Variants in ZNF275 observed in about 807,000 individuals in gnomAD.
ZNF275 encodes zinc finger protein 275.
ZNF275 carries 4 observed loss-of-function variants against 4.3 expected under a neutral mutation model. The ratio of observed to expected loss-of-function variants is 0.93; its 90% CI spans 0.46 to 2.13. The LOEUF (loss-of-function observed/expected upper bound fraction) is 2.13. ZNF275 is among the 30% of genes most tolerant of loss of function. The pLI is 0.02. For synonymous variants in ZNF275, 173 were observed against 166.9 expected, an observed-to-expected ratio of 1.04 and a Z score of -0.28; for missense variants, 352 against 397.1, an observed-to-expected ratio of 0.89 and a Z score of 0.97.
chrX:153,351,585 GA>G lies in ZNF275; in HGVS notation c.*3622del, dbSNP rs1194092751. 0.012 allele frequency: 1,023 copies of G among 88,264 alleles called. 10 individuals carry two copies. The highest frequency in any genetic ancestry group is 0.035 in the African/African-American group (849 of 24,277). 7.3% of individuals were successfully genotyped at this position (88,264 alleles called of 1,213,427 possible). ...ACATTAACTGCCTGGCATGGAAAAA[GA>G]AAAAAAAAAAAGAAATATGTTCTTT... On this transcript the variant is annotated 3_prime_UTR_variant, in exon 4 of 4. Transcript: ENST00000650114.
At position 153,334,196 on chromosome X, in the gene ZNF275, C is replaced by T. The variant is rs980303322; in HGVS notation, c.-136C>T. On this transcript the variant is annotated 5_prime_UTR_variant, in exon 1 of 4. Transcript: ENST00000650114. Reference sequence around the variant, plus strand: ...TGTTAGCTCGGCTGGGCACGGGCGGCTCCGTGGCGCTTCCTGCCACGCCAG... The same window carrying T: ...TGTTAGCTCGGCTGGGCACGGGCGGTTCCGTGGCGCTTCCTGCCACGCCAG... The T allele has an allele frequency of 1.8e-5, 2 of 111,525 alleles. No individual in the cohort carries two copies. The highest frequency in any genetic ancestry group is 3.2e-5 in the African/African-American group (1 of 30,784). 9.2% of individuals were successfully genotyped at this position (111,525 alleles called of 1,213,427 possible). A position where few individuals can be genotyped will look rare whatever the true frequency, so the allele number is the denominator to read the frequency against.
chrX:153,334,601 G>A (rs980735128), intron 1 of ZNF275, among the ~76,000 whole-genome samples: 1 of 110,879 alleles, frequency 9.0e-6, no homozygotes, highest in Non-Finnish European at 1.9e-5. Flanking sequence ...GGGGGGCGGC[G>A]ATCCCGGGTG....
At chrX:153,334,965 G>A (rs1001861611) in intron 1 of ZNF275, among the ~76,000 whole-genome samples, 1 of 110,555 alleles carries the variant, frequency 9.0e-6, no homozygotes, top group East Asian at 2.9e-4. Context: ...GAAAGGGGGC[G>A]GTGAGCCGAG....
Position 153,347,414 on chromosome X carries a change from C to T in ZNF275, c.729C>T (p.Ser243=), listed in dbSNP as rs782407892. 2.5e-6 allele frequency: 3 copies of T among 1,210,921 alleles called. No homozygotes were observed. In the East Asian group the frequency reaches 8.9e-5, roughly 36 times the overall value. ...SEKPFACKAC[S]RDFLDRQELL... is the part of the protein sequence containing the mutation. ...AGCCTTTCGCCTGCAAGGCGTGCAG[C>T]AGGGATTTCCTGGATCGCCAGGAGC... The change falls in exon 4 of 4, where the codon AGC becomes AGT. Residue 243 remains serine, a synonymous_variant. Coordinates refer to ENST00000650114, the MANE Select transcript of ZNF275 (RefSeq NM_001367757.1).
intron 2 of ZNF275, among the ~76,000 whole-genome samples, chrX:153,337,614 G>A (rs2088454672): frequency 8.9e-6 from 1 of 112,379 alleles, no homozygotes; most frequent in Non-Finnish European, 1.9e-5. Flanking sequence ...TCATGTTTTA[G>A]AAAGCATAAT....
chrX:153,343,354 A>G, intron 2 of ZNF275: 1 of 328,843 alleles, frequency 3.0e-6, no homozygotes, highest in Non-Finnish European at 5.9e-6. Context: ...TCACAACAGG[A>G]ACTGTGTAGC....
chrX:153,348,137 C>T lies in ZNF275; in HGVS notation c.*162C>T, dbSNP rs371557125. 21 of 419,519 alleles carry T rather than the reference C, an allele frequency of 5.0e-5. No homozygotes were observed. In the East Asian group the frequency reaches 9.1e-4, roughly 18 times the overall value. 34.6% of individuals were successfully genotyped at this position (419,519 alleles called of 1,213,427 possible). On this transcript the variant is annotated 3_prime_UTR_variant, in exon 4 of 4. Transcript: ENST00000650114. ...TTTATAAGTGTTACGTTATGCCCAT[C>T]AAGAGTAGCTTGTACCATTTAACTT...
In ZNF275 at chrX:153,350,149, T is replaced by C. The variant is rs2088547423; in HGVS notation, c.*2174T>C. 2 of 124,179 alleles carry C rather than the reference T, an allele frequency of 1.6e-5. No individual in the cohort carries two copies. Among genetic ancestry groups the C allele is most frequent in the South Asian group, 7.3e-4 (2 of 2,747 alleles). The allele number at this position is 124,179 out of a possible 1,213,427, so 10.2% of individuals were successfully genotyped here. A position where few individuals can be genotyped will look rare whatever the true frequency, so the allele number is the denominator to read the frequency against. ...GACTCTAGAACTAGAAAGAGATTGG[T>C]TCATAGGCTTCTGCTGTGGGCAGCT... On this transcript the variant is annotated 3_prime_UTR_variant, in exon 4 of 4. Coordinates refer to ENST00000650114, the MANE Select transcript of ZNF275 (RefSeq NM_001367757.1).
At chrX:153,344,566 A>G in intron 2 of ZNF275, 1 of 357,790 alleles carries the variant, frequency 2.8e-6, no homozygotes, top group South Asian at 2.5e-5. Flanking sequence ...TTAGCAACAG[A>G]CACCCACTCC....
rs781989737 is a variant in ZNF275 at position 153,351,908 on chromosome X, C to G, written c.*3933C>G. ...TTGCGTACCATGTGATTTGCCACCCCGCTTCTAGGCCATATTAATTCAGCC... is the reference window on the plus strand; with the variant it reads ...TTGCGTACCATGTGATTTGCCACCCGGCTTCTAGGCCATATTAATTCAGCC... On this transcript the variant is annotated 3_prime_UTR_variant, in exon 4 of 4. Coordinates refer to ENST00000650114, the MANE Select transcript of ZNF275 (RefSeq NM_001367757.1). 7 of 111,829 alleles carry G rather than the reference C, an allele frequency of 6.3e-5. No homozygotes were observed. Among genetic ancestry groups the G allele is most frequent in the Non-Finnish European group, 1.3e-4 (7 of 53,235 alleles). The allele number at this position is 111,829 out of a possible 1,213,427, so 9.2% of individuals were successfully genotyped here. A position where few individuals can be genotyped will look rare whatever the true frequency, so the allele number is the denominator to read the frequency against.
At position 153,345,613 on chromosome X, in the gene ZNF275, A is replaced by C. The variant is rs1569528022; in HGVS notation, c.125A>C (p.Lys42Thr). Reference sequence around the variant, plus strand: ...CCATCGCCCAACACTGATCCTGCTAAGTACTCTGGTGAGTGAAAAAGAAAT... The same window carrying C: ...CCATCGCCCAACACTGATCCTGCTACGTACTCTGGTGAGTGAAAAAGAAAT... The part of the protein sequence containing the change: ...SDPSPNTDPA[K>T]YSESTSATRH... Residue 42 changes from lysine (K) to threonine (T), a missense_variant, in exon 3 of 4, where the codon AAG becomes ACG. Physicochemically the swap from Lys to Thr is moderately conservative, Grantham distance 78. Coordinates refer to ENST00000650114, the MANE Select transcript of ZNF275 (RefSeq NM_001367757.1). 1.7e-6 allele frequency: 2 copies of C among 1,205,312 alleles called. No homozygotes were observed. The highest frequency in any genetic ancestry group is 2.2e-6 in the Non-Finnish European group (2 of 889,789).
chrX:153,345,453 A>G lies in ZNF275; in HGVS notation c.32-67A>G, dbSNP rs1428359135. ...GGGTTCCCCTTCAAAGGCCTTGCCT[A>G]TGTTCCTCCACTATTCTCATGTCAT... is the stretch of plus-strand genomic sequence containing the variant. On this transcript the variant is annotated intron_variant, in intron 2 of 3. Transcript: ENST00000650114. The G allele has an allele frequency of 1.1e-5, 10 of 899,528 alleles. No homozygotes were observed. In the Admixed American group the frequency reaches 1.6e-4, roughly 15 times the overall value. The allele number at this position is 899,528 out of a possible 1,213,427, so 74.1% of individuals were successfully genotyped here.
At position 153,351,253 on chromosome X, in the gene ZNF275, C is replaced by T. The variant is rs1255434434; in HGVS notation, c.*3278C>T. Reference sequence around the variant, plus strand: ...TGTTCTCTTTCAATGCAGTCTGTGGCTTTAACGTGTGTCCTGTAATTTCGC... The same window carrying T: ...TGTTCTCTTTCAATGCAGTCTGTGGTTTTAACGTGTGTCCTGTAATTTCGC... On this transcript the variant is annotated 3_prime_UTR_variant, in exon 4 of 4. Transcript: ENST00000650114. The T allele has an allele frequency of 2.4e-5, 3 of 123,784 alleles. No homozygotes were observed. Among genetic ancestry groups the T allele is most frequent in the African/African-American group, 6.5e-5 (2 of 30,911 alleles). The allele number at this position is 123,784 out of a possible 1,213,427, so 10.2% of individuals were successfully genotyped here. A position where few individuals can be genotyped will look rare whatever the true frequency, so the allele number is the denominator to read the frequency against.
At position 153,347,831 on chromosome X, in the gene ZNF275, C is replaced by T. The variant is rs781894039; in HGVS notation, c.1146C>T (p.Cys382=). 22 of 1,208,774 alleles carry T rather than the reference C, an allele frequency of 1.8e-5. No individual in the cohort carries two copies. Among genetic ancestry groups the T allele is most frequent in the Middle Eastern group, 2.3e-4 (1 of 4,347 alleles). ...SGLKPYECDK[C]GKAFRRSSGL... ...TGAAACCCTATGAGTGCGACAAATGCGGCAAGGCCTTCCGCCGGAGCTCCG... is the reference window on the plus strand; with the variant it reads ...TGAAACCCTATGAGTGCGACAAATGTGGCAAGGCCTTCCGCCGGAGCTCCG... The change falls in exon 4 of 4, where the codon TGC becomes TGT. Residue 382 remains cysteine (C), a synonymous_variant. Transcript: ENST00000650114.
chrX:153,336,567 G>T (rs2088447251), intron 1 of ZNF275, 67 bp from the exon 2 acceptor site: 1 of 767,476 alleles, frequency 1.3e-6, no homozygotes, highest in South Asian at 2.4e-5. Flanking sequence ...CCAAAATGTG[G>T]GGGACATGTT....
intron 2 of ZNF275, chrX:153,344,428 C>A (rs1221169366): frequency 3.8e-6 from 1 of 263,999 alleles, no homozygotes; most frequent in Non-Finnish European, 7.1e-6. Flanking sequence ...AGCTGAGTTT[C>A]CATCCAGGAA....
intron 2 of ZNF275, chrX:153,344,258 C>G (rs2088497487): frequency 3.2e-6 from 1 of 313,665 alleles, no homozygotes; most frequent in Non-Finnish European, 6.2e-6. Context: ...TCTCACCGCT[C>G]CCTGAATCTG....
At position 153,352,572 on chromosome X, in the gene ZNF275, G is replaced by C. The variant is rs2088562901; in HGVS notation, c.*4597G>C. On this transcript the variant is annotated 3_prime_UTR_variant, in exon 4 of 4. Transcript: ENST00000650114. ...TCTGTAGTTCTCATTGCATCACTTTGGATGTTTACTTTGAAAAGCAGAAAC... is the reference window on the plus strand; with the variant it reads ...TCTGTAGTTCTCATTGCATCACTTTCGATGTTTACTTTGAAAAGCAGAAAC... The C allele has an allele frequency of 8.9e-6, 1 of 112,217 alleles. No individual in the cohort carries two copies. The highest frequency in any genetic ancestry group is 3.2e-5 in the African/African-American group (1 of 30,828). The allele number at this position is 112,217 out of a possible 1,213,427, so 9.2% of individuals were successfully genotyped here.
In ZNF275 at chrX:153,347,150, G is replaced by A. The variant is rs782325400; in HGVS notation, c.465G>A (p.Glu155=). ...NEHRKSHVAA[E]PQPGPSRALE... is the part of the protein sequence containing the mutation. Reference sequence around the variant, plus strand: ...ACAGGAAAAGCCACGTAGCTGCGGAGCCCCAGCCCGGCCCCAGTAGGGCCC... The same window carrying A: ...ACAGGAAAAGCCACGTAGCTGCGGAACCCCAGCCCGGCCCCAGTAGGGCCC... Residue 155 remains glutamate, a synonymous_variant, in exon 4 of 4, where the codon GAG becomes GAA. Transcript: ENST00000650114. 8.2e-5 allele frequency: 99 copies of A among 1,208,030 alleles called. No homozygotes were observed. The East Asian group carries it at 2.9e-3, about 35-fold the overall frequency.
Sources: gnomAD v4.1 joint callset for allele counts (sites outside exome capture counted in the v4.1 genomes callset) on GRCh38, gnomAD v4.1.1 for gene constraint, MANE v1.5 for transcripts, NCBI Gene and HGNC (gene_info 2026-07-23, HGNC 2026-07-21) for gene names.